Variants in FLRT1 observed in about 807,000 individuals in gnomAD.
FLRT1 encodes the protein leucine-rich repeat transmembrane protein FLRT1.
Under a neutral mutation model 30.9 loss-of-function variants are expected in FLRT1, and 14 were observed. That is an observed-to-expected ratio of 0.45 (90% CI 0.30 to 0.71). The LOEUF (loss-of-function observed/expected upper bound fraction) is 0.71. Ranked by LOEUF, FLRT1 falls within the 30% of genes least tolerant of loss-of-function variation. The pLI, the probability that FLRT1 is intolerant of heterozygous loss-of-function variation, is 0.08. For missense variants in FLRT1, 737 were observed against 949.2 expected (o/e 0.78, Z 2.94); for synonymous variants, 368 against 430.4 (o/e 0.85, Z 1.80).
chr11:64,089,103 G>A (rs1304618965), intron 1 of FLRT1, among the ~76,000 whole-genome samples: 2 of 152,218 alleles, frequency 1.3e-5, no homozygotes, highest in African/African-American at 4.8e-5. Context: ...GCTCCTCTGT[G>A]AACCCAGCCG....
rs1944019994 is a variant in FLRT1, at chr11:64,067,177, G to A, written c.-1038+31018G>A. ...GGTGGGAGGCCGGCCATACCCACCT[G>A]TAGGCACATGCGGCTCCAAGGAGAT... On this transcript the variant is annotated intron_variant, in intron 1 of 2. Transcript: ENST00000682287. The surrounding 1 kb of genome is among the most constrained non-coding windows in gnomAD (Gnocchi z 4.6). Among the ~76,000 whole-genome samples, 1 of 152,152 alleles carries A rather than the reference G, an allele frequency of 6.6e-6. No individual in the cohort carries two copies. Among genetic ancestry groups the A allele is most frequent in the African/African-American group, 2.4e-5 (1 of 41,438 alleles).
intron 1 of FLRT1, among the ~76,000 whole-genome samples, chr11:64,054,906 T>C (rs917467758): frequency 1.3e-5 from 2 of 152,094 alleles, no homozygotes; most frequent in Non-Finnish European, 2.9e-5. Context: ...CTTTCTGTCT[T>C]GGTGACCGCC....
intron 2 of FLRT1, among the ~76,000 whole-genome samples, chr11:64,105,920 T>C (rs1490952871): frequency 6.9e-6 from 1 of 144,756 alleles, no homozygotes; most frequent in Non-Finnish European, 1.5e-5. Flanking sequence ...AGGTCCTTTA[T>C]CTCATGATTC....
At chr11:64,039,022 T>C (rs1943435070) in intron 1 of FLRT1, among the ~76,000 whole-genome samples, 1 of 152,170 alleles carries the variant, frequency 6.6e-6, no homozygotes, top group Non-Finnish European at 1.5e-5. Context: ...TCGTTCACTG[T>C]GGGCCAAGGG....
chr11:64,106,094 T>C (rs1944758327), intron 2 of FLRT1, among the ~76,000 whole-genome samples: 1 of 152,092 alleles, frequency 6.6e-6, no homozygotes, highest in South Asian at 2.1e-4. Flanking sequence ...TGAGGAGGGA[T>C]GGCCAAGAGT....
At chr11:64,087,901 C>T (rs954901292) in intron 1 of FLRT1, among the ~76,000 whole-genome samples, 12 of 152,182 alleles carry the variant, frequency 7.9e-5, no homozygotes, top group Non-Finnish European at 1.0e-4. Context: ...CTTCTTTCTG[C>T]GACAGGGGAG....
intron 1 of FLRT1, among the ~76,000 whole-genome samples, chr11:64,098,677 G>A (rs929448605): frequency 4.6e-5 from 7 of 152,184 alleles, no homozygotes; most frequent in Admixed American, 6.5e-5. Flanking sequence ...ACCTCAGCCT[G>A]GAAGTCCAAA....
chr11:64,056,156 T>G (rs747621), intron 1 of FLRT1, among the ~76,000 whole-genome samples: 5,537 of 152,210 alleles, frequency 0.036, 340 homozygotes, highest in African/African-American at 0.12. Context: ...CCGCCCACTT[T>G]GCTCCCATCT....
At chr11:64,094,591 G>A (rs770303140) in intron 1 of FLRT1, among the ~76,000 whole-genome samples, 8 of 152,166 alleles carry the variant, frequency 5.3e-5, no homozygotes, top group Non-Finnish European at 1.2e-4. Flanking sequence ...CTGCCTAACC[G>A]CAGGCTGACT....
chr11:64,052,510 G>A (rs553374308), intron 1 of FLRT1, among the ~76,000 whole-genome samples: 2 of 152,292 alleles, frequency 1.3e-5, no homozygotes, highest in African/African-American at 4.8e-5. Context: ...CATGAAGTTA[G>A]CCCTTCTGAG....
intron 2 of FLRT1, among the ~76,000 whole-genome samples, chr11:64,104,390 A>C (rs1176820082): frequency 6.6e-6 from 1 of 152,044 alleles, no homozygotes; most frequent in East Asian, 1.9e-4. Context: ...TGCCGGCATA[A>C]GCATCATTTG....
rs140908634 is a variant in FLRT1 at position 64,117,311 on chromosome 11, C to T, written c.1044C>T (p.Ala348=). 1.5e-5 allele frequency: 24 copies of T among 1,613,982 alleles called. No homozygotes were observed. Among genetic ancestry groups the T allele is most frequent in the Middle Eastern group, 1.6e-4 (1 of 6,084 alleles). The change falls in exon 3 of 3, where the codon GCC becomes GCT. Residue 348 remains alanine (A), a synonymous_variant. Coordinates refer to ENST00000682287, the MANE Select transcript of FLRT1 (RefSeq NM_013280.5). The stretch of plus-strand genomic sequence containing the variant: ...GGGACTGGGTGAAGGCACGGGCGGC[C>T]GTGGTCAACGTGCGGGGCCTCATGT... ...WLRDWVKARA[A]VVNVRGLMCQ...
intron 1 of FLRT1, among the ~76,000 whole-genome samples, chr11:64,091,106 GAGA>G (rs1944482210): frequency 7.2e-6 from 1 of 138,140 alleles, no homozygotes. Context: ...GAAGGGAGAG[GAGA>G]AGGAGGGAAG....
chr11:64,088,169 G>A (rs1944427474), intron 1 of FLRT1, among the ~76,000 whole-genome samples: 1 of 152,302 alleles, frequency 6.6e-6, no homozygotes, highest in South Asian at 2.1e-4. Context: ...GAACCCCGCA[G>A]GGACCCAAAG....
At position 64,096,808 on chromosome 11, in the gene FLRT1, G is replaced by A. The variant is rs1325979582; in HGVS notation, c.-1037-6386G>A. Among the ~76,000 whole-genome samples, 1 of 152,166 alleles carries A rather than the reference G, an allele frequency of 6.6e-6. No homozygotes were observed. The highest frequency in any genetic ancestry group is 6.5e-5 in the Admixed American group (1 of 15,288). ...GAGGGGAAGAGGGCAGGCCTGTGGG[G>A]GGCTGCCGTGTCCCCATACCCTCCA... On this transcript the variant is annotated intron_variant, in intron 1 of 2. Transcript: ENST00000682287. This position sits in a 1 kb window ranked among gnomAD's most constrained non-coding sequence, Gnocchi z 4.6.
At chr11:64,106,705 G>T (rs1044018436) in intron 2 of FLRT1, among the ~76,000 whole-genome samples, 1 of 152,120 alleles carries the variant, frequency 6.6e-6, no homozygotes, top group Non-Finnish European at 1.5e-5. Context: ...TGTGGCCCAG[G>T]ATCCTAAAGG....
At chr11:64,047,689 G>A (rs1211567387) in intron 1 of FLRT1, among the ~76,000 whole-genome samples, 1 of 152,088 alleles carries the variant, frequency 6.6e-6, no homozygotes, top group African/African-American at 2.4e-5. Flanking sequence ...CTCAGGTCAG[G>A]AGCTCGAGAC....
rs1943379096 is a variant in FLRT1 at position 64,036,306 on chromosome 11, G to T, written c.-1038+147G>T. The T allele has an allele frequency of 6.6e-6, 1 of 152,216 alleles. No homozygotes were observed. The highest frequency in any genetic ancestry group is 1.5e-5 in the Non-Finnish European group (1 of 68,080). 9.4% of individuals were successfully genotyped at this position (152,216 alleles called of 1,614,324 possible). On this transcript the variant is annotated intron_variant, in intron 1 of 2. Coordinates refer to ENST00000682287, the MANE Select transcript of FLRT1 (RefSeq NM_013280.5). The surrounding 1 kb of genome is among the most constrained non-coding windows in gnomAD (Gnocchi z 5.6). ...CTTTGCCCCAGAGCGGCGGGAGATG[G>T]GACGCCCAGCCTTTGGGATTTGGGG...
intron 1 of FLRT1, among the ~76,000 whole-genome samples, chr11:64,080,425 TG>T (rs1244008943): frequency 6.6e-6 from 1 of 152,204 alleles, no homozygotes; most frequent in African/African-American, 2.4e-5. Flanking sequence ...TTTTTTTGTG[TG>T]TATTTACAAG....
Sources: gnomAD v4.1 joint callset for allele counts (sites outside exome capture counted in the v4.1 genomes callset) on GRCh38, gnomAD v4.1.1 for gene constraint, Gnocchi (gnomAD v3.1) non-coding constraint, MANE v1.5 for transcripts, NCBI Gene and HGNC (gene_info 2026-07-23, HGNC 2026-07-21) for gene names.